Variants in BEND6 observed in about 807,000 individuals in gnomAD.
BEND6 encodes the protein BEN domain containing 6.
BEND6 carries 24 observed loss-of-function variants against 31.8 expected under a neutral mutation model. The observed-to-expected ratio is 0.75, with a 90% CI of 0.55 to 1.06. The LOEUF is 1.06. BEND6 is among the 50% of genes least tolerant of loss of function. The pLI, the probability that BEND6 is intolerant of heterozygous loss-of-function variation, is 0.00. For missense variants in BEND6, 294 were observed against 327.4 expected (o/e 0.90, Z 0.79); for synonymous variants, 109 against 114.6 (o/e 0.95, Z 0.31).
chr6:56,967,720 G>A (rs1043507428), intron 1 of BEND6, among the ~76,000 whole-genome samples: 1 of 152,192 alleles, frequency 6.6e-6, no homozygotes, highest in African/African-American at 2.4e-5. Flanking sequence ...ACTTAGGCAA[G>A]GAGGGCCCTG....
intron 3 of BEND6, among the ~76,000 whole-genome samples, chr6:56,996,680 TATG>T (rs1350811760): frequency 6.6e-6 from 1 of 152,230 alleles, no homozygotes. Flanking sequence ...AACCAGAAAC[TATG>T]ATGTTATCTT....
At chr6:56,998,518 A>G (rs1325474185) in intron 3 of BEND6, among the ~76,000 whole-genome samples, 2 of 152,224 alleles carry the variant, frequency 1.3e-5, no homozygotes, top group African/African-American at 2.4e-5. Context: ...AGTATTTATC[A>G]TGTGTACACC....
At chr6:56,956,876 T>A (rs1302456681) in intron 1 of BEND6, among the ~76,000 whole-genome samples, 2 of 152,170 alleles carry the variant, frequency 1.3e-5, no homozygotes, top group Non-Finnish European at 2.9e-5. Context: ...AAGGAAGAAT[T>A]CTCCACCGCA....
At chr6:57,004,628 T>TACG (rs1827083952) in intron 3 of BEND6, 30 of 1,094,362 alleles carry the variant, frequency 2.7e-5, no homozygotes, top group Non-Finnish European at 3.7e-5. Context: ...CTACCCCTCC[T>TACG]ACGTGGGCTG....
intron 1 of BEND6, among the ~76,000 whole-genome samples, chr6:56,957,866 C>G (rs1013464426): frequency 6.6e-6 from 1 of 152,130 alleles, no homozygotes; most frequent in African/African-American, 2.4e-5. Flanking sequence ...CCTTTAGATT[C>G]TCAACCAAAT....
chr6:56,989,364 T>C (rs1042467586), intron 2 of BEND6, among the ~76,000 whole-genome samples: 6 of 152,196 alleles, frequency 3.9e-5, no homozygotes, highest in African/African-American at 1.4e-4. Flanking sequence ...ATTTACCCAT[T>C]GTCCTATCAA....
chr6:56,958,734 T>A (rs949039513), intron 1 of BEND6, among the ~76,000 whole-genome samples: 2 of 152,170 alleles, frequency 1.3e-5, no homozygotes, highest in Non-Finnish European at 2.9e-5. Flanking sequence ...GATAGCAAAG[T>A]GGTCGAAGCC....
intron 3 of BEND6, among the ~76,000 whole-genome samples, chr6:56,998,051 G>T (rs1224667843): frequency 6.6e-6 from 1 of 152,094 alleles, no homozygotes; most frequent in Non-Finnish European, 1.5e-5. Flanking sequence ...TATGTTGAAT[G>T]GTGAAAGGTG....
chr6:57,007,449 A>C (rs912896471), intron 3 of BEND6, among the ~76,000 whole-genome samples: 2 of 152,142 alleles, frequency 1.3e-5, no homozygotes, highest in African/African-American at 4.8e-5. Context: ...AACATAGGGG[A>C]AACACTCCAG....
chr6:56,975,098 CA>C (rs1389608053), intron 1 of BEND6, among the ~76,000 whole-genome samples: 6 of 151,760 alleles, frequency 4.0e-5, no homozygotes, highest in African/African-American at 1.5e-4. Flanking sequence ...GCCTGGGCAA[CA>C]AAAGCGAAAC....
intron 3 of BEND6, chr6:57,004,562 C>T (rs756075937): frequency 1.1e-6 from 1 of 883,548 alleles, no homozygotes; most frequent in Non-Finnish European, 1.9e-6. Flanking sequence ...ACAGGTGCGC[C>T]AGAACTACCA....
At chr6:56,969,893 T>A (rs1438546399) in intron 1 of BEND6, among the ~76,000 whole-genome samples, 1 of 152,206 alleles carries the variant, frequency 6.6e-6, no homozygotes, top group East Asian at 1.9e-4. Flanking sequence ...TCCGAGACAC[T>A]GTGTTTTTCA....
intron 1 of BEND6, among the ~76,000 whole-genome samples, chr6:56,968,312 C>CTTTTTTTTTTTTTTTTTTTTT (rs779756084): frequency 6.1e-5 from 4 of 65,986 alleles, no homozygotes; most frequent in African/African-American, 1.3e-4. Context: ...TCTTTCTTTT[C>CTTTTTTTTTTTTTTTTTTTTT]TTTTTTTTTT....
intron 1 of BEND6, among the ~76,000 whole-genome samples, chr6:56,966,303 T>C (rs901644697): frequency 2.0e-5 from 3 of 152,124 alleles, no homozygotes; most frequent in Non-Finnish European, 4.4e-5. Context: ...AGTTTCACCA[T>C]GTTGTCCAGG....
intron 3 of BEND6, among the ~76,000 whole-genome samples, chr6:56,994,852 CACTT>C (rs1404211433): frequency 6.6e-6 from 1 of 152,036 alleles, no homozygotes; most frequent in Non-Finnish European, 1.5e-5. Flanking sequence ...TAAAAATAAT[CACTT>C]ACTATGACCA....
intron 1 of BEND6, among the ~76,000 whole-genome samples, chr6:56,967,896 C>T (rs1204001825): frequency 6.6e-6 from 1 of 152,226 alleles, no homozygotes; most frequent in African/African-American, 2.4e-5. Context: ...GCTCCCTCAT[C>T]TGTAAAGTGT....
intron 1 of BEND6, among the ~76,000 whole-genome samples, chr6:56,965,373 A>G (rs1487700249): frequency 6.6e-6 from 1 of 152,134 alleles, no homozygotes; most frequent in Non-Finnish European, 1.5e-5. Flanking sequence ...TAAAATTACA[A>G]AGTTAATGGA....
intron 1 of BEND6, among the ~76,000 whole-genome samples, chr6:56,977,657 C>T (rs2127849257): frequency 6.6e-6 from 1 of 152,168 alleles, no homozygotes; most frequent in African/African-American, 2.4e-5. Flanking sequence ...GCAATTGACC[C>T]ATTTAAAGTA....
At chr6:56,992,746 TG>T (rs1826555850) in intron 3 of BEND6, among the ~76,000 whole-genome samples, 191 bp downstream of exon 3, 2 of 152,228 alleles carry the variant, frequency 1.3e-5, no homozygotes. Context: ...ATCTAGCTTA[TG>T]GCTTGAAAAT....
Sources: allele counts gnomAD v4.1 joint callset (sites outside exome capture counted in the v4.1 genomes callset), GRCh38; gene constraint gnomAD v4.1.1; transcripts MANE v1.5; gene names NCBI Gene and HGNC (gene_info 2026-07-23, HGNC 2026-07-21).